The following DMD variants were observed in gnomAD, a reference collection of about 807,000 sequenced individuals.
The protein encoded by DMD is mutant dystrophin.
A neutral mutation model predicts 330.1 loss-of-function variants in DMD; 63 were observed. The observed-to-expected ratio is 0.19, with a 90% CI of 0.16 to 0.24. The LOEUF (loss-of-function observed/expected upper bound fraction) is 0.24, where lower values mean the gene tolerates loss of function less well. Ranked by LOEUF, DMD falls within the 10% of genes least tolerant of loss-of-function variation. DMD has a pLI of 1.00. For synonymous variants in DMD, 1,223 were observed against 959.8 expected (o/e 1.27, Z -5.07); for missense variants, 3,344 against 2,684.1 (o/e 1.25, Z -5.43).
intron 47 of DMD, among the ~76,000 whole-genome samples, chrX:31,896,198 G>A (rs2094329966): frequency 9.0e-6 from 1 of 111,494 alleles, no homozygotes; most frequent in Non-Finnish European, 1.9e-5. Flanking sequence ...TTCCTAAATT[G>A]GACAATAAAT....
intron 62 of DMD, among the ~76,000 whole-genome samples, chrX:31,290,972 A>T (rs185214710): frequency 1.8e-5 from 2 of 112,515 alleles, no homozygotes; most frequent in Admixed American, 1.9e-4. Context: ...AGGAAAAATA[A>T]GTACACAAAC....
At chrX:32,364,732 C>G in intron 35 of DMD, 22 bp from the exon 36 acceptor site, 1 of 1,201,919 alleles carries the variant, frequency 8.3e-7, no homozygotes, top group African/African-American at 1.7e-5. Context: ...AGAGACATAC[C>G]ATGGCATTAT....
chrX:31,414,174 C>T (rs1360767311), intron 60 of DMD, among the ~76,000 whole-genome samples: 1 of 110,319 alleles, frequency 9.1e-6, no homozygotes, highest in Admixed American at 9.7e-5. Context: ...CCACCACACC[C>T]GGCTAGTTTT....
intron 1 of DMD, among the ~76,000 whole-genome samples, chrX:33,252,327 T>C (rs2052784615): frequency 9.0e-6 from 1 of 111,008 alleles, no homozygotes; most frequent in African/African-American, 3.3e-5. Flanking sequence ...TCTCCTTTTG[T>C]CTTTTAGTGG....
chrX:32,983,710 G>T (rs185393869), intron 2 of DMD, among the ~76,000 whole-genome samples: 1 of 111,229 alleles, frequency 9.0e-6, no homozygotes. Flanking sequence ...TAGGATATCC[G>T]TATTATTTCT....
intron 30 of DMD, among the ~76,000 whole-genome samples, chrX:32,401,528 T>C (rs1052461979): frequency 2.7e-5 from 3 of 110,816 alleles, no homozygotes; most frequent in Non-Finnish European, 5.7e-5. Context: ...AATTGAACTA[T>C]GGAGATAGAG....
chrX:32,211,062 C>A (rs2097092042), intron 44 of DMD, among the ~76,000 whole-genome samples: 1 of 110,134 alleles, frequency 9.1e-6, no homozygotes, highest in East Asian at 2.8e-4. Flanking sequence ...AGCTGAAGAG[C>A]AGCTAAACTT....
At chrX:32,132,993 C>CTTTTCTTTTTTTTTTTTTTTTTT (rs2096705124) in intron 44 of DMD, among the ~76,000 whole-genome samples, 9 of 75,967 alleles carry the variant, frequency 1.2e-4, no homozygotes, top group African/African-American at 6.2e-4. Context: ...CTTTTCTTTT[C>CTTTTCTTTTTTTTTTTTTTTTTT]TTTTTTTTTT....
chrX:31,507,190 T>A, intron 56 of DMD, 91 bp downstream of exon 56: 2 of 858,552 alleles, frequency 2.3e-6, no homozygotes, highest in East Asian at 3.1e-5. Flanking sequence ...TACGTAGACA[T>A]GTGAGATACC....
chrX:32,309,118 T>G (rs1230723155), intron 42 of DMD, among the ~76,000 whole-genome samples: 1 of 111,352 alleles, frequency 9.0e-6, no homozygotes, highest in Non-Finnish European at 1.9e-5. Context: ...TTATTTGATA[T>G]AATGTTAAGA....
intron 18 of DMD, among the ~76,000 whole-genome samples, chrX:32,504,146 G>A (rs1189241491): frequency 1.8e-5 from 2 of 111,737 alleles, no homozygotes; most frequent in Admixed American, 9.5e-5. Context: ...GTTTATCTAG[G>A]CATAAACCTT....
In DMD at chrX:31,120,055, A is replaced by G. The variant is rs1213323290; in HGVS notation, c.*1864T>C. The stretch of plus-strand genomic sequence containing the variant: ...AATAATGGACAAAACCCACTCTCCA[A>G]AAGCTAATTACACTTGATGTCAGCC... On this transcript the variant is annotated 3_prime_UTR_variant, in exon 79 of 79. Transcript: ENST00000357033. The G allele has an allele frequency of 1.8e-5, 2 of 111,072 alleles. No homozygotes were observed. Among genetic ancestry groups the G allele is most frequent in the African/African-American group, 6.5e-5 (2 of 30,587 alleles). 9.2% of individuals were successfully genotyped at this position (111,072 alleles called of 1,213,427 possible).
At chrX:32,490,379 G>T (rs139153156) in intron 20 of DMD, among the ~76,000 whole-genome samples, 8 of 111,368 alleles carry the variant, frequency 7.2e-5, no homozygotes, top group African/African-American at 2.6e-4. Flanking sequence ...ACACTTGAAG[G>T]CATAATCCTT....
intron 20 of DMD, among the ~76,000 whole-genome samples, chrX:32,489,339 AG>A (rs2148617772): frequency 1.0e-5 from 1 of 98,918 alleles, no homozygotes; most frequent in African/African-American, 3.8e-5. Context: ...GGGTTGGGTA[AG>A]GGTGGCGGGG....
At chrX:33,008,571 A>G (rs1246955179) in intron 2 of DMD, among the ~76,000 whole-genome samples, 2 of 110,118 alleles carry the variant, frequency 1.8e-5, no homozygotes, top group Non-Finnish European at 3.8e-5. Context: ...TAAGAAAAAT[A>G]TATAGTAGCC....
At chrX:32,909,909 A>T (rs1395440810) in intron 2 of DMD, among the ~76,000 whole-genome samples, 2 of 111,435 alleles carry the variant, frequency 1.8e-5, no homozygotes, top group Non-Finnish European at 3.8e-5. Flanking sequence ...CCTGCCATCC[A>T]CCCCATATCT....
chrX:32,753,902 A>G (rs1214363958), intron 7 of DMD, among the ~76,000 whole-genome samples: 1 of 111,290 alleles, frequency 9.0e-6, no homozygotes, highest in Non-Finnish European at 1.9e-5. Flanking sequence ...TAAAGCAAGC[A>G]AGCAATTAAG....
chrX:33,057,090 G>C (rs1174406912), intron 1 of DMD, among the ~76,000 whole-genome samples: 3 of 111,358 alleles, frequency 2.7e-5, no homozygotes, highest in Non-Finnish European at 5.6e-5. Flanking sequence ...TCAGTGATGT[G>C]TCTAACAATA....
At chrX:31,749,571 C>A (rs1317348420) in intron 51 of DMD, among the ~76,000 whole-genome samples, 5 of 109,949 alleles carry the variant, frequency 4.5e-5, no homozygotes, top group African/African-American at 6.6e-5. Context: ...GGTTCCAAGT[C>A]TTTGCTATTG....
Sources: allele counts gnomAD v4.1 joint callset (sites outside exome capture counted in the v4.1 genomes callset), GRCh38; gene constraint gnomAD v4.1.1; transcripts MANE v1.5; gene names NCBI Gene and HGNC (gene_info 2026-07-23, HGNC 2026-07-21).